ZNF665: variants seen among roughly 807,000 people sequenced by gnomAD.
The protein encoded by ZNF665 is zinc finger protein 665.
In ZNF665, 6 loss-of-function variants were observed where a neutral mutation model predicts 7.9. That is an observed-to-expected ratio of 0.76 (90% CI 0.42 to 1.50). ZNF665 has a LOEUF of 1.50. Ranked by LOEUF, ZNF665 falls within the 40% of genes most tolerant of loss-of-function variation. The probability of loss-of-function intolerance (pLI) is 0.01; values close to 1 mark genes in which losing one functional copy is unlikely to be tolerated. For missense variants in ZNF665, 819 were observed against 806.7 expected (o/e 1.02, Z -0.18); for synonymous variants, 242 against 274.5 (o/e 0.88, Z 1.17).
At chr19:53,184,985 G>C (rs1017432883) in intron 1 of ZNF665, among the ~76,000 whole-genome samples, 1 of 152,200 alleles carries the variant, frequency 6.6e-6, no homozygotes, top group Admixed American at 6.5e-5. Context: ...GAGACTTTTT[G>C]TACTTTCCCT....
Position 53,191,347 on chromosome 19 carries a change from A to G in ZNF665, c.-46+1965T>C, listed in dbSNP as rs1174833167. On this transcript the variant is annotated intron_variant, in intron 1 of 3. Coordinates refer to ENST00000396424, the MANE Select transcript of ZNF665 (RefSeq NM_024733.5). ...CCTCCTCACTCATACACTTGCCTAC[A>G]CATTACCCCATCCTAGGAAAAGGAA... Among the ~76,000 whole-genome samples the G allele has an allele frequency of 3.3e-5, 5 of 152,228 alleles. No individual in the cohort carries two copies. In the East Asian group the frequency reaches 5.8e-4, roughly 18 times the overall value.
At position 53,163,145 on chromosome 19, in the gene ZNF665, T is replaced by G. The variant is rs889690097; in HGVS notation, c.*1308A>C. 6.6e-6 allele frequency: 1 copy of G among 152,400 alleles called. No individual in the cohort carries two copies. 9.4% of individuals were successfully genotyped at this position (152,400 alleles called of 1,614,324 possible). ...GCCTCCCGGGTTCAAGCGAGTCTCC[T>G]GCCTCAGCCTCCTGAGTAGCTGGGA... On this transcript the variant is annotated 3_prime_UTR_variant, in exon 4 of 4. Transcript: ENST00000396424.
chr19:53,180,593 A>G (rs1371615096), intron 2 of ZNF665: 2 of 152,216 alleles, frequency 1.3e-5, no homozygotes, highest in African/African-American at 4.8e-5. Flanking sequence ...CATCACATAT[A>G]CCAGTTAAAT....
At chr19:53,171,531 TTTTTTTTTTC>T (rs1207289004) in intron 3 of ZNF665, among the ~76,000 whole-genome samples, 2 of 134,944 alleles carry the variant, frequency 1.5e-5, no homozygotes, top group East Asian at 4.5e-4. Context: ...TATATTTTTT[TTTTTTTTTTC>T]TTTTTTTAGA....
At chr19:53,179,308 G>A (rs13382118) in intron 2 of ZNF665, among the ~76,000 whole-genome samples, 24,613 of 148,952 alleles carry the variant, frequency 0.17, 4,042 homozygotes, top group East Asian at 0.52. Flanking sequence ...CCTGGGAGGC[G>A]GGGCTTGCAG....
At position 53,165,182 on chromosome 19, in the gene ZNF665, G is replaced by A; in HGVS notation, c.1308C>T (p.Gly436=). Residue 436 remains glycine, a synonymous_variant, in exon 4 of 4, where the codon GGC becomes GGT. Transcript: ENST00000396424. ...GEKPYRCDEC[G]KAFSVRSSLT... ...GGCTTGATCGCACACTAAAGGCTTT[G>A]CCACACTCATCACACCTGTAAGGTT... 1 of 1,614,092 alleles carries A rather than the reference G, an allele frequency of 6.2e-7. No individual in the cohort carries two copies. Among genetic ancestry groups the A allele is most frequent in the African/African-American group, 1.3e-5 (1 of 75,028 alleles).
intron 1 of ZNF665, among the ~76,000 whole-genome samples, chr19:53,190,850 C>T (rs1380892928): frequency 6.6e-6 from 1 of 152,212 alleles, no homozygotes; most frequent in Non-Finnish European, 1.5e-5. Context: ...AGGAGAATTG[C>T]TTGAGCCCAG....
At chr19:53,177,953 G>C (rs1459694266) in intron 2 of ZNF665, among the ~76,000 whole-genome samples, 1 of 152,180 alleles carries the variant, frequency 6.6e-6, no homozygotes, top group African/African-American at 2.4e-5. Flanking sequence ...CTGTACCCAG[G>C]TGTCTAGGAA....
chr19:53,164,673 A>G lies in ZNF665; in HGVS notation c.1817T>C (p.Val606Ala). 6.2e-7 allele frequency: 1 copy of G among 1,612,736 alleles called. No homozygotes were observed. The highest frequency in any genetic ancestry group is 1.1e-5 in the South Asian group (1 of 91,014). Residue 606 changes from valine (V) to alanine (A), a missense_variant, in exon 4 of 4, where the codon GTC becomes GCC. Val to Ala is a moderately conservative substitution (Grantham distance 64). Coordinates refer to ENST00000396424, the MANE Select transcript of ZNF665 (RefSeq NM_024733.5). Reference sequence around the variant, plus strand: ...TGCAAGATGTGAATTTTGAGTGAAGACCTTGCCACATTCATTACATTTGTA... The same window carrying G: ...TGCAAGATGTGAATTTTGAGTGAAGGCCTTGCCACATTCATTACATTTGTA... ...KPYKCNECGK[V>A]FTQNSHLANH...
intron 1 of ZNF665, among the ~76,000 whole-genome samples, chr19:53,192,862 G>A (rs1455966730): frequency 6.6e-6 from 1 of 152,146 alleles, no homozygotes; most frequent in Non-Finnish European, 1.5e-5. Context: ...ACGAGGAGGA[G>A]GGAGGTGGGG....
At chr19:53,178,308 C>T (rs2146866761) in intron 2 of ZNF665, among the ~76,000 whole-genome samples, 1 of 152,310 alleles carries the variant, frequency 6.6e-6, no homozygotes, top group African/African-American at 2.4e-5. Context: ...GAATGACTGA[C>T]ATGTAGATTG....
intron 2 of ZNF665, 87 bp from the exon 3 acceptor site, chr19:53,175,658 T>C (rs2090692404): frequency 1.4e-6 from 2 of 1,473,142 alleles, no homozygotes; most frequent in Admixed American, 4.3e-5. Flanking sequence ...GCTGTAAGAA[T>C]AGGTTCAATT....
At chr19:53,178,914 T>G (rs1314434962) in intron 2 of ZNF665, among the ~76,000 whole-genome samples, 1 of 152,178 alleles carries the variant, frequency 6.6e-6, no homozygotes, top group Non-Finnish European at 1.5e-5. Context: ...CTCAAAGAAC[T>G]ACACAGGAGC....
At position 53,165,626 on chromosome 19, in the gene ZNF665, T is replaced by C; in HGVS notation, c.864A>G (p.Lys288=). 1 of 1,613,814 alleles carries C rather than the reference T, an allele frequency of 6.2e-7. No individual in the cohort carries two copies. The highest frequency in any genetic ancestry group is 8.5e-7 in the Non-Finnish European group (1 of 1,179,950). ...TTHQVIHTGE[K]PYKCKECGKC... Reference sequence around the variant, plus strand: ...TGCCACATTCCTTACATTTGTAAGGTTTTTCTCCAGTATGGATGACCTGAT... The same window carrying C: ...TGCCACATTCCTTACATTTGTAAGGCTTTTCTCCAGTATGGATGACCTGAT... The change falls in exon 4 of 4, where the codon AAA becomes AAG. Residue 288 remains lysine, a synonymous_variant. Coordinates refer to ENST00000396424, the MANE Select transcript of ZNF665 (RefSeq NM_024733.5).
At chr19:53,176,257 G>A (rs939581234) in intron 2 of ZNF665, among the ~76,000 whole-genome samples, 1 of 152,136 alleles carries the variant, frequency 6.6e-6, no homozygotes, top group African/African-American at 2.4e-5. Flanking sequence ...AGGGCTGAAG[G>A]TTCAGTTGAA....
chr19:53,166,072 GA>G lies in ZNF665; in HGVS notation c.417del (p.Gln140SerfsTer4). 1 of 1,614,134 alleles carries G rather than the reference GA, an allele frequency of 6.2e-7. No homozygotes were observed. The highest frequency in any genetic ancestry group is 8.5e-7 in the Non-Finnish European group (1 of 1,179,978). On this transcript the variant is annotated frameshift_variant, in exon 4 of 4. Transcript: ENST00000396424. LOFTEE classifies it low-confidence loss of function (END_TRUNC). ...TGTGACTGAAAGCTTACTCCAAGCT[GA>G]TTTTCAATATGCCTGTTTCCTGCAG... ...RRAAGNRHIE[N>X]QLGVSFQSHL...
Position 53,175,480 on chromosome 19 carries a change from A to T in ZNF665, c.107T>A (p.Val36Asp), listed in dbSNP as rs2090690063. ...CAGGTTCCTATAATTCTCCAACATG[A>T]CGTCCCTGTACAAAGTCTTCTGAGC... ...DPAQKTLYRDVMLENYRNLVS... is the reference protein window; with the variant it reads ...DPAQKTLYRDDMLENYRNLVS... Residue 36 changes from valine (V) to aspartate (D), a missense_variant, in exon 3 of 4, where the codon GTC (valine) becomes GAC (aspartate). Transcript: ENST00000396424. 1 of 1,612,646 alleles carries T rather than the reference A, an allele frequency of 6.2e-7. No individual in the cohort carries two copies. The highest frequency in any genetic ancestry group is 1.3e-5 in the African/African-American group (1 of 74,940).
At chr19:53,180,801 T>A (rs146745197) in intron 2 of ZNF665, 2 of 152,188 alleles carry the variant, frequency 1.3e-5, no homozygotes, top group African/African-American at 2.4e-5. Flanking sequence ...TGTACTCCAA[T>A]TGGTATTAAA....
In ZNF665 at chr19:53,164,967, T is replaced by C. The variant is rs199616311; in HGVS notation, c.1523A>G (p.His508Arg). The C allele has an allele frequency of 2.4e-5, 39 of 1,614,040 alleles. No homozygotes were observed. The highest frequency in any genetic ancestry group is 3.2e-5 in the Non-Finnish European group (38 of 1,180,026). Residue 508 changes from histidine (H) to arginine (R), a missense_variant, in exon 4 of 4, where the codon CAT becomes CGT. By Grantham distance (29) the His-to-Arg change is conservative (BLOSUM62 0). Coordinates refer to ENST00000396424, the MANE Select transcript of ZNF665 (RefSeq NM_024733.5). ...ACACTTGTAAGGTTTTTCTCCAGTA[T>C]GAACTCTCCAATGCCTTGCAAGTTG... ...TSQLARHWRV[H>R]TGEKPYKCNE... is the part of the protein sequence containing the mutation.
Sources: gnomAD v4.1 joint callset for allele counts (sites outside exome capture counted in the v4.1 genomes callset) on GRCh38, gnomAD v4.1.1 for gene constraint, MANE v1.5 for transcripts, NCBI Gene and HGNC (gene_info 2026-07-23, HGNC 2026-07-21) for gene names.